Variants in CABLES2 observed in about 807,000 individuals in gnomAD.
CABLES2 encodes the protein Cdk5 and Abl enzyme substrate 2.
Under a neutral mutation model 44.8 loss-of-function variants are expected in CABLES2, and 35 were observed. That is an observed-to-expected ratio of 0.78 (90% CI 0.60 to 1.04). The LOEUF (loss-of-function observed/expected upper bound fraction) is 1.04. CABLES2 is among the 50% of genes least tolerant of loss of function. The pLI, the probability that CABLES2 is intolerant of heterozygous loss-of-function variation, is 0.00. For missense variants in CABLES2, 566 were observed against 615.7 expected (o/e 0.92, Z 0.85); for synonymous variants, 282 against 281.1 (o/e 1.00, Z -0.03).
At position 62,407,032 on chromosome 20, in the gene CABLES2, G is replaced by C; in HGVS notation, c.245C>G (p.Pro82Arg). The stretch of plus-strand genomic sequence containing the variant: ...GGGGGGCTCCGGCGGCGGCGGCGCT[G>C]GCGGTTCGCGGGCCTCGGCGGGCGG... ...PPPPAEAREPPAPPPPEPPTG... is the reference protein window; with the variant it reads ...PPPPAEAREPRAPPPPEPPTG... Residue 82 changes from proline to arginine, a missense_variant, in exon 1 of 10, where the codon CCA becomes CGA. By Grantham distance (103) the Pro-to-Arg change is moderately radical (BLOSUM62 -2). Coordinates refer to ENST00000279101, the MANE Select transcript of CABLES2 (RefSeq NM_031215.3). 3.5e-6 allele frequency: 4 copies of C among 1,141,212 alleles called. No homozygotes were observed. Among genetic ancestry groups the C allele is most frequent in the Non-Finnish European group, 3.2e-6 (3 of 929,986 alleles). The allele number at this position is 1,141,212 out of a possible 1,614,324, so 70.7% of individuals were successfully genotyped here.
chr20:62,391,240 G>C lies in CABLES2; in HGVS notation c.1296+9C>G, dbSNP rs1601470853. ...CCTGCCTGCAGTGCCTGCCGAGCCG[G>C]GCACTCACATCGATGAGCTGCGTCA... On this transcript the variant is annotated intron_variant, in intron 9 of 9. Coordinates refer to ENST00000279101, the MANE Select transcript of CABLES2 (RefSeq NM_031215.3). This position sits in a 1 kb window ranked among gnomAD's most constrained non-coding sequence, Gnocchi z 5.7. 2.5e-6 allele frequency: 4 copies of C among 1,605,022 alleles called. No individual in the cohort carries two copies. The East Asian group carries it at 9.0e-5, about 36-fold the overall frequency.
At position 62,393,426 on chromosome 20, in the gene CABLES2, G is replaced by C. The variant is rs759469647; in HGVS notation, c.880+14C>G. On this transcript the variant is annotated intron_variant, in intron 6 of 9. Transcript: ENST00000279101. ...TCACCCTGTTCCAGGCCGTGGTTAA[G>C]GCACGTGGGCTACCTAGTTCTGTGC... is the stretch of plus-strand genomic sequence containing the variant. 2 of 1,578,952 alleles carry C rather than the reference G, an allele frequency of 1.3e-6. No homozygotes were observed. The highest frequency in any genetic ancestry group is 2.3e-5 in the South Asian group (2 of 86,190).
chr20:62,394,839 G>A (rs990074860), intron 4 of CABLES2, 98 bp downstream of exon 4: 2 of 1,071,062 alleles, frequency 1.9e-6, no homozygotes, highest in Non-Finnish European at 2.7e-6. Context: ...CGCACCTGGG[G>A]GCGCAGTGCC....
chr20:62,397,798 G>T (rs1177326104), intron 1 of CABLES2, among the ~76,000 whole-genome samples: 1 of 151,812 alleles, frequency 6.6e-6, no homozygotes, highest in African/African-American at 2.4e-5. Flanking sequence ...CAATTGCGAT[G>T]ACAATGATGG....
At chr20:62,402,555 C>T (rs557271883) in intron 1 of CABLES2, 1 of 152,358 alleles carries the variant, frequency 6.6e-6, no homozygotes, top group South Asian at 2.1e-4. Flanking sequence ...GCCAGGAAGG[C>T]GTGGGCAGTG....
intron 1 of CABLES2, among the ~76,000 whole-genome samples, chr20:62,398,216 ATGGTGG>A (rs1303055597): frequency 3.1e-5 from 1 of 32,062 alleles, no homozygotes; most frequent in Admixed American, 3.1e-4. Flanking sequence ...TGGTGATGTG[ATGGTGG>A]TGGTGGTGAC....
Position 62,394,243 on chromosome 20 carries a change from T to A in CABLES2, c.628A>T (p.Lys210Ter). The stretch of plus-strand genomic sequence containing the variant: ...ACGCCGCCGGACGGGTGCCTCTGCT[T>A]CTGGCTGTCCACCCTCAGGTCACTG... Reference protein sequence around the residue: ...RISDLRVDSQKQRHPSGGVSV... With the variant: ...RISDLRVDSQ Residue 210 changes from lysine to a stop codon, truncating the protein, a stop_gained, in exon 5 of 10, where the codon AAG (lysine) becomes TAG (stop). Coordinates refer to ENST00000279101, the MANE Select transcript of CABLES2 (RefSeq NM_031215.3). LOFTEE classifies it high-confidence loss of function. 3 of 1,613,418 alleles carry A rather than the reference T, an allele frequency of 1.9e-6. No individual in the cohort carries two copies. The highest frequency in any genetic ancestry group is 1.7e-6 in the Non-Finnish European group (2 of 1,179,988).
At chr20:62,397,980 ATGGCGG>A (rs1569017268) in intron 1 of CABLES2, among the ~76,000 whole-genome samples, 2 of 97,110 alleles carry the variant, frequency 2.1e-5, no homozygotes, top group South Asian at 3.8e-4. Context: ...GACAGTGGTG[ATGGCGG>A]TGGTGGTGAT....
chr20:62,392,805 G>T, intron 7 of CABLES2, 115 bp downstream of exon 7: 1 of 918,842 alleles, frequency 1.1e-6, no homozygotes, highest in Non-Finnish European at 1.7e-6. Flanking sequence ...GCTGCGATCC[G>T]GGATGGGGGC....
At chr20:62,395,121 T>A (rs190847259) in intron 3 of CABLES2, 107 bp from the exon 4 acceptor site, 18 of 935,742 alleles carry the variant, frequency 1.9e-5, no homozygotes, top group Non-Finnish European at 2.8e-5. Context: ...CTGCCTAAAT[T>A]CAGGTGCTGG....
In CABLES2 at chr20:62,407,234, CG is replaced by C. The variant is rs1988316790; in HGVS notation, c.42del (p.Gly15AlafsTer144). On this transcript the variant is annotated frameshift_variant, in exon 1 of 10. Coordinates refer to ENST00000279101, the MANE Select transcript of CABLES2 (RefSeq NM_031215.3). LOFTEE classifies it high-confidence loss of function. ...AAAGGAPGPA[P>X]GPAGPPPPAA... The stretch of plus-strand genomic sequence containing the variant: ...GCGGGTGGCGGGGGCCCGGCGGGGC[CG>C]GGGGCCGGGCCCGGGGCTCCACCGG... 8 of 852,656 alleles carry C rather than the reference CG, an allele frequency of 9.4e-6. No homozygotes were observed. Among genetic ancestry groups the C allele is most frequent in the African/African-American group, 1.9e-5 (1 of 53,454 alleles). The allele number at this position is 852,656 out of a possible 1,614,324, so 52.8% of individuals were successfully genotyped here.
rs1354323774 is a variant in CABLES2, at chr20:62,389,411, C to T, written c.*1560G>A. ...CTGCCATCTCTGGGTTTTGGTGGCC[C>T]CAGTGAGTGGCTGTGGAAAAGGAGG... On this transcript the variant is annotated 3_prime_UTR_variant, in exon 10 of 10. Transcript: ENST00000279101. 2.6e-5 allele frequency: 4 copies of T among 152,308 alleles called. No individual in the cohort carries two copies. The highest frequency in any genetic ancestry group is 9.7e-5 in the African/African-American group (4 of 41,438). 9.4% of individuals were successfully genotyped at this position (152,308 alleles called of 1,614,324 possible).
At chr20:62,406,778 C>T (rs62196300) in intron 1 of CABLES2, 137 bp downstream of exon 1, 10 of 403,022 alleles carry the variant, frequency 2.5e-5, no homozygotes, top group African/African-American at 4.3e-5. Flanking sequence ...GCTGACAAGG[C>T]CCCAGGTCAC....
rs146186582 is a variant in CABLES2, at chr20:62,396,320, G to A, written c.522C>T (p.Asn174=). The A allele has an allele frequency of 1.0e-4, 166 of 1,613,730 alleles. 1 individual carries two copies. The highest frequency in any genetic ancestry group is 6.1e-5 in the Non-Finnish European group (72 of 1,179,750). ...TTCCCGGCTCCGCTTCATACCTGCT[G>A]TTCCTGGTGTCGTACTGCCTCATGT... ...IKNMRQYDTR[N]SRIVLICAKR... Residue 174 remains asparagine (N), a synonymous_variant, in exon 3 of 10, where the codon AAC becomes AAT. Transcript: ENST00000279101. The surrounding 1 kb of genome is among the most constrained non-coding windows in gnomAD (Gnocchi z 5.7).
intron 1 of CABLES2, among the ~76,000 whole-genome samples, chr20:62,398,106 A>ACGG (rs1988090065): frequency 5.1e-4 from 25 of 48,814 alleles, no homozygotes; most frequent in African/African-American, 1.6e-3. Context: ...GGTGGTGGTG[A>ACGG]TGGTGGTGGT....
chr20:62,391,767 A>G lies in CABLES2; in HGVS notation c.1092-314T>C, dbSNP rs1569014634. 6.6e-6 allele frequency among the ~76,000 whole-genome samples: 1 copy of G among 151,418 alleles called. No homozygotes were observed. The highest frequency in any genetic ancestry group is 1.5e-5 in the Non-Finnish European group (1 of 67,814). ...TCTCGGTGGGGGGCAGTGGTCTCTG[A>G]TGAGGGGTGGTTTTAGGAAGAGCCT... On this transcript the variant is annotated intron_variant, in intron 8 of 9. Coordinates refer to ENST00000279101, the MANE Select transcript of CABLES2 (RefSeq NM_031215.3). The surrounding 1 kb of genome is among the most constrained non-coding windows in gnomAD (Gnocchi z 5.7).
chr20:62,395,648 C>A (rs1369256136), intron 3 of CABLES2, among the ~76,000 whole-genome samples: 1 of 152,262 alleles, frequency 6.6e-6, no homozygotes, highest in African/African-American at 2.4e-5. Flanking sequence ...ACTTCTCCCC[C>A]TCTCTGGCTT....
Position 62,392,438 on chromosome 20 carries a change from A to G in CABLES2, c.1042T>C (p.Phe348Leu). The change falls in exon 8 of 10, where the codon TTC becomes CTC. Residue 348 changes from phenylalanine (F) to leucine (L), a missense_variant. Coordinates refer to ENST00000279101, the MANE Select transcript of CABLES2 (RefSeq NM_031215.3). ...SDLKKDMNET[F>L]REKFPHVKLT... ...TTGACATGGGGGAACTTCTCCCTGAAGGTCTCGTTCATGTCCTTTTTGAGG... is the reference window on the plus strand; with the variant it reads ...TTGACATGGGGGAACTTCTCCCTGAGGGTCTCGTTCATGTCCTTTTTGAGG... 6.2e-7 allele frequency: 1 copy of G among 1,614,042 alleles called. No individual in the cohort carries two copies.
Position 62,391,159 on chromosome 20 carries a change from A to G in CABLES2, c.1297-48T>C. 6.2e-7 allele frequency: 1 copy of G among 1,607,142 alleles called. No individual in the cohort carries two copies. The highest frequency in any genetic ancestry group is 8.5e-7 in the Non-Finnish European group (1 of 1,174,538). ...GTTACACGGGAGCCTTCCCTCTTCC[A>G]CATTTCCCACCCGGCCAGCCCCATC... On this transcript the variant is annotated intron_variant, in intron 9 of 9. Coordinates refer to ENST00000279101, the MANE Select transcript of CABLES2 (RefSeq NM_031215.3). The surrounding 1 kb of genome is among the most constrained non-coding windows in gnomAD (Gnocchi z 5.7).
Sources: allele counts gnomAD v4.1 joint callset (sites outside exome capture counted in the v4.1 genomes callset), GRCh38; gene constraint gnomAD v4.1.1; non-coding constraint Gnocchi (gnomAD v3.1); transcripts MANE v1.5; gene names NCBI Gene and HGNC (gene_info 2026-07-23, HGNC 2026-07-21).